CACNA2D2: variants seen among roughly 807,000 people sequenced by gnomAD.
CACNA2D2 encodes the protein calcium voltage-gated channel auxiliary subunit alpha2delta 2.
In CACNA2D2, 48 loss-of-function variants were observed where a neutral mutation model predicts 166.4. That is an observed-to-expected ratio of 0.29 (90% CI 0.23 to 0.37). The LOEUF is 0.37. Ranked by LOEUF, CACNA2D2 falls within the 10% of genes least tolerant of loss-of-function variation. The probability of loss-of-function intolerance (pLI) is 1.00; values close to 1 mark genes in which losing one functional copy is unlikely to be tolerated. For synonymous variants in CACNA2D2, 561 were observed against 573.7 expected (o/e 0.98, Z 0.32); for missense variants, 1,122 against 1,433.0 (o/e 0.78, Z 3.50).
intron 3 of CACNA2D2, among the ~76,000 whole-genome samples, chr3:50,429,556 T>C (rs1195821898): frequency 3.2e-5 from 4 of 124,484 alleles, no homozygotes; most frequent in Non-Finnish European, 6.3e-5. Flanking sequence ...ATCGAGACCA[T>C]CCTAACATGG....
Position 50,364,563 on chromosome 3 carries a change from T to G in CACNA2D2, c.*103A>C, listed in dbSNP as rs1449223656. 2.2e-6 allele frequency: 3 copies of G among 1,336,360 alleles called. No homozygotes were observed. The African/African-American group carries it at 4.6e-5, about 20-fold the overall frequency. The allele number at this position is 1,336,360 out of a possible 1,614,324, so 82.8% of individuals were successfully genotyped here. A position where few individuals can be genotyped will look rare whatever the true frequency, so the allele number is the denominator to read the frequency against. On this transcript the variant is annotated 3_prime_UTR_variant, in exon 38 of 38. Transcript: ENST00000424201. ...GGCCTGGCCAGCTCAGGTCCTTCAG[T>G]GAGGGAGGGACGAGGCTCTAAGGCG...
At chr3:50,438,224 C>G (rs1346762572) in intron 2 of CACNA2D2, among the ~76,000 whole-genome samples, 1 of 152,138 alleles carries the variant, frequency 6.6e-6, no homozygotes, top group Non-Finnish European at 1.5e-5. Flanking sequence ...TGGTTCCCCC[C>G]CTTGTTTCAT....
intron 1 of CACNA2D2, among the ~76,000 whole-genome samples, chr3:50,484,463 C>T (rs1163720019): frequency 6.6e-6 from 1 of 152,190 alleles, no homozygotes; most frequent in Non-Finnish European, 1.5e-5. Flanking sequence ...GGCCGCACCC[C>T]CAGTAGCTTC....
intron 2 of CACNA2D2, among the ~76,000 whole-genome samples, chr3:50,462,787 T>C (rs1034687910): frequency 1.3e-5 from 2 of 151,962 alleles, no homozygotes; most frequent in African/African-American, 4.8e-5. Context: ...GCTGTGCTCC[T>C]AACACAACTC....
In CACNA2D2 at chr3:50,427,149, CCT is replaced by C. The variant is rs1707842137; in HGVS notation, c.405+7162_405+7163del. 6.6e-6 allele frequency among the ~76,000 whole-genome samples: 1 copy of C among 152,204 alleles called. No individual in the cohort carries two copies. The highest frequency in any genetic ancestry group is 2.4e-5 in the African/African-American group (1 of 41,466). Reference sequence around the variant, plus strand: ...ATCCAGGCCACCTCGTCCAAGGAGCCCTCTCTGACTCCCATTCCTTGGTGGTC... The same window carrying C: ...ATCCAGGCCACCTCGTCCAAGGAGCCCTCTGACTCCCATTCCTTGGTGGTC... On this transcript the variant is annotated intron_variant, in intron 3 of 37. Coordinates refer to ENST00000424201, the MANE Select transcript of CACNA2D2 (RefSeq NM_006030.4). This position sits in a 1 kb window ranked among gnomAD's most constrained non-coding sequence, Gnocchi z 4.7.
At chr3:50,421,271 C>T (rs1707547555) in intron 3 of CACNA2D2, among the ~76,000 whole-genome samples, 1 of 152,226 alleles carries the variant, frequency 6.6e-6, no homozygotes, top group African/African-American at 2.4e-5. Context: ...ACAGGGCAGT[C>T]ACGCAGGGAG....
At position 50,365,146 on chromosome 3, in the gene CACNA2D2, A is replaced by G. The variant is rs1575578837; in HGVS notation, c.3137T>C (p.Leu1046Pro). 1 of 1,612,074 alleles carries G rather than the reference A, an allele frequency of 6.2e-7. No individual in the cohort carries two copies. Among genetic ancestry groups the G allele is most frequent in the Non-Finnish European group, 8.5e-7 (1 of 1,179,708 alleles). Residue 1046 changes from leucine (L) to proline (P), a missense_variant, in exon 36 of 38, where the codon CTC becomes CCC. Leu to Pro is a moderately conservative substitution (Grantham distance 98). Transcript: ENST00000424201. This position sits in a 1 kb window ranked among gnomAD's most constrained non-coding sequence, Gnocchi z 4.5. ...CAGCGGCTTCTCGGCCACCACAAAG[A>G]GAAGATTGGTGTTGGTCAGTCTCTG... ...HAQRLTNTNL[L>P]FVVAEKPLCS... is the part of the protein sequence containing the mutation.
At chr3:50,370,493 G>A in intron 22 of CACNA2D2, 113 bp from the exon 23 acceptor site, 1 of 506,906 alleles carries the variant, frequency 2.0e-6, no homozygotes. Flanking sequence ...GGGAGGGGGA[G>A]ACACCAGCAA....
chr3:50,440,501 T>G (rs1019854429), intron 2 of CACNA2D2, among the ~76,000 whole-genome samples: 1 of 152,276 alleles, frequency 6.6e-6, no homozygotes, highest in African/African-American at 2.4e-5. Flanking sequence ...GTGATGTTAG[T>G]TGTCCCATTA....
chr3:50,425,937 G>A (rs1707791369), intron 3 of CACNA2D2, among the ~76,000 whole-genome samples: 1 of 152,164 alleles, frequency 6.6e-6, no homozygotes, highest in African/African-American at 2.4e-5. Flanking sequence ...CTCTGAGTGG[G>A]ACTGGCCATC....
chr3:50,484,281 C>T (rs542397393), intron 1 of CACNA2D2, among the ~76,000 whole-genome samples: 32 of 152,266 alleles, frequency 2.1e-4, no homozygotes, highest in African/African-American at 7.5e-4. Context: ...GGCCGGGCAC[C>T]CATCAGGGTT....
intron 1 of CACNA2D2, among the ~76,000 whole-genome samples, chr3:50,488,478 T>C (rs969257639): frequency 2.6e-5 from 4 of 152,012 alleles, no homozygotes; most frequent in African/African-American, 9.7e-5. Context: ...GCCCTGTACT[T>C]TGTATCTTGC....
In CACNA2D2 at chr3:50,367,002, A is replaced by C; in HGVS notation, c.2500+9T>G. On this transcript the variant is annotated intron_variant, in intron 28 of 37. Transcript: ENST00000424201. This position sits in a 1 kb window ranked among gnomAD's most constrained non-coding sequence, Gnocchi z 6.5. ...TGCCTGTTTCCCCACCTCTGTCCCA[A>C]ACATTCACCTGCTGGCCTCAGTGTG... 1 of 1,613,666 alleles carries C rather than the reference A, an allele frequency of 6.2e-7. No individual in the cohort carries two copies. The highest frequency in any genetic ancestry group is 1.1e-5 in the South Asian group (1 of 91,086).
intron 3 of CACNA2D2, among the ~76,000 whole-genome samples, chr3:50,396,696 C>T (rs1306050356): frequency 6.6e-6 from 1 of 151,238 alleles, no homozygotes; most frequent in African/African-American, 2.5e-5. Context: ...GTAACTTGGC[C>T]CGGAGGCTGT....
At chr3:50,395,859 G>A (rs774996863) in intron 3 of CACNA2D2, among the ~76,000 whole-genome samples, 1 of 152,174 alleles carries the variant, frequency 6.6e-6, no homozygotes, top group Non-Finnish European at 1.5e-5. Context: ...TGAGTGGTGG[G>A]GGAGGCTATG....
intron 2 of CACNA2D2, among the ~76,000 whole-genome samples, chr3:50,451,766 C>A (rs1709115143): frequency 6.6e-6 from 1 of 152,150 alleles, no homozygotes; most frequent in South Asian, 2.1e-4. Flanking sequence ...GGAACCTGGC[C>A]CTGTCCCACA....
At chr3:50,435,154 T>A (rs1708254381) in intron 2 of CACNA2D2, among the ~76,000 whole-genome samples, 1 of 151,440 alleles carries the variant, frequency 6.6e-6, no homozygotes, top group Non-Finnish European at 1.5e-5. Context: ...TGTGTGTGTG[T>A]GAGGGCTCAA....
intron 6 of CACNA2D2, among the ~76,000 whole-genome samples, chr3:50,381,977 TCCCTACACA>T (rs1469223021): frequency 8.7e-6 from 1 of 115,010 alleles, no homozygotes; most frequent in Non-Finnish European, 1.7e-5. Context: ...TCCAGATCTA[TCCCTACACA>T]CACACACACA....
At position 50,376,809 on chromosome 3, in the gene CACNA2D2, C is replaced by T. The variant is rs1705023041; in HGVS notation, c.1627-621G>A. 6.6e-6 allele frequency among the ~76,000 whole-genome samples: 1 copy of T among 152,202 alleles called. No individual in the cohort carries two copies. The highest frequency in any genetic ancestry group is 2.4e-5 in the African/African-American group (1 of 41,464). On this transcript the variant is annotated intron_variant, in intron 17 of 37. Coordinates refer to ENST00000424201, the MANE Select transcript of CACNA2D2 (RefSeq NM_006030.4). This position sits in a 1 kb window ranked among gnomAD's most constrained non-coding sequence, Gnocchi z 4.3. ...TGCTGTTGTACATACCACACCTCTC[C>T]CCCTTCCACAGGCCAAGATGCAGAC...
Sources: gnomAD v4.1 joint callset for allele counts (sites outside exome capture counted in the v4.1 genomes callset) on GRCh38, gnomAD v4.1.1 for gene constraint, Gnocchi (gnomAD v3.1) non-coding constraint, MANE v1.5 for transcripts, NCBI Gene and HGNC (gene_info 2026-07-23, HGNC 2026-07-21) for gene names.